The following EPHA5 variants were observed in gnomAD, a reference collection of about 807,000 sequenced individuals.
EPHA5 encodes EPH receptor A5.
A neutral mutation model predicts 105.0 loss-of-function variants in EPHA5; 60 were observed. The ratio of observed to expected loss-of-function variants is 0.57; its 90% confidence interval spans 0.46 to 0.71. The LOEUF (loss-of-function observed/expected upper bound fraction) is 0.71, where lower values mean the gene tolerates loss of function less well. Among genes scored for constraint, EPHA5 ranks in the 30% least tolerant of loss-of-function variants. EPHA5 has a pLI of 0.00. For synonymous variants in EPHA5, 513 were observed against 449.1 expected (o/e 1.14, Z -1.80); for missense variants, 1,218 against 1,274.7 (o/e 0.96, Z 0.68).
intron 2 of EPHA5, among the ~76,000 whole-genome samples, chr4:65,639,854 C>T (rs1048640858): frequency 1.3e-5 from 2 of 152,152 alleles, no homozygotes; most frequent in Non-Finnish European, 2.9e-5. Flanking sequence ...CTCAAATCTG[C>T]TGTTAAGGCT....
intron 16 of EPHA5, among the ~76,000 whole-genome samples, chr4:65,327,592 T>C (rs1720206957): frequency 6.6e-6 from 1 of 151,334 alleles, no homozygotes. Context: ...GAAGATAGGA[T>C]AACTATAATA....
At chr4:65,659,909 G>T (rs529403779) in intron 1 of EPHA5, among the ~76,000 whole-genome samples, 5 of 152,050 alleles carry the variant, frequency 3.3e-5, no homozygotes, top group African/African-American at 1.2e-4. Context: ...GAACAGATGA[G>T]ACATCTACAT....
intron 13 of EPHA5, among the ~76,000 whole-genome samples, chr4:65,348,508 G>T: frequency 6.6e-6 from 1 of 151,084 alleles, no homozygotes. Context: ...AAACCAATAA[G>T]GTATACTCTC....
Position 65,601,863 on chromosome 4 carries a change from A to G in EPHA5, c.688T>C (p.Tyr230His), listed in dbSNP as rs2149438577. 2.5e-6 allele frequency: 4 copies of G among 1,614,172 alleles called. No homozygotes were observed. Among genetic ancestry groups the G allele is most frequent in the East Asian group, 2.2e-5 (1 of 44,870 alleles). Residue 230 changes from tyrosine to histidine, a missense_variant, in exon 3 of 17, where the codon TAT becomes CAT. Physicochemically the swap from Tyr to His is moderately conservative, Grantham distance 83 (BLOSUM62 2). Around this residue, in one of 3 missense-constraint regions of EPHA5, gnomAD observed 971 missense variants for 1,013.5 expected, o/e 0.96. Coordinates refer to ENST00000613740, the MANE Select transcript of EPHA5 (RefSeq NM_001281766.3). ...CIALVSVRVYYKKCPSVVRHL... is the reference protein window; with the variant it reads ...CIALVSVRVYHKKCPSVVRHL... Reference sequence around the variant, plus strand: ...CGTACCACAGAAGGGCATTTTTTATAGTATACACGCACAGAAACCAGAGCA... The same window carrying G: ...CGTACCACAGAAGGGCATTTTTTATGGTATACACGCACAGAAACCAGAGCA...
intron 3 of EPHA5, among the ~76,000 whole-genome samples, chr4:65,536,711 T>C (rs1200073842): frequency 1.3e-5 from 2 of 151,444 alleles, no homozygotes; most frequent in East Asian, 1.9e-4. Context: ...ATGAGACAAT[T>C]GTACTCTTTG....
intron 8 of EPHA5, among the ~76,000 whole-genome samples, chr4:65,398,936 G>C (rs117941635): frequency 9.2e-5 from 14 of 152,164 alleles, no homozygotes; most frequent in Non-Finnish European, 1.5e-4. Flanking sequence ...TTCTTCCTGA[G>C]CATGAGATAA....
At chr4:65,503,577 A>G (rs1047331180) in intron 3 of EPHA5, among the ~76,000 whole-genome samples, 1 of 151,798 alleles carries the variant, frequency 6.6e-6, no homozygotes, top group Non-Finnish European at 1.5e-5. Flanking sequence ...TGTATTTTTA[A>G]TTTATGCTCA....
intron 3 of EPHA5, among the ~76,000 whole-genome samples, chr4:65,590,305 G>A (rs1003309988): frequency 6.6e-6 from 1 of 152,048 alleles, no homozygotes. Flanking sequence ...AACACTGCTG[G>A]TCAGCCGTAA....
chr4:65,467,402 A>G (rs899890232), intron 5 of EPHA5, among the ~76,000 whole-genome samples: 3 of 152,178 alleles, frequency 2.0e-5, no homozygotes, highest in African/African-American at 7.2e-5. Flanking sequence ...TAAGGGTGGA[A>G]TACTTGGATT....
intron 2 of EPHA5, among the ~76,000 whole-genome samples, chr4:65,603,526 G>A (rs765967502): frequency 6.6e-6 from 1 of 151,994 alleles, no homozygotes; most frequent in Non-Finnish European, 1.5e-5. Context: ...ATTAAATATA[G>A]CATTATTTCT....
At chr4:65,579,152 CT>C (rs915028002) in intron 3 of EPHA5, among the ~76,000 whole-genome samples, 2 of 151,248 alleles carry the variant, frequency 1.3e-5, no homozygotes, top group Non-Finnish European at 3.0e-5. Flanking sequence ...TTCAAAAAGG[CT>C]TATGGAAATT....
At chr4:65,494,839 T>G (rs1367258178) in intron 4 of EPHA5, among the ~76,000 whole-genome samples, 1 of 152,166 alleles carries the variant, frequency 6.6e-6, no homozygotes, top group African/African-American at 2.4e-5. Flanking sequence ...TCCTGAAATA[T>G]TTCCTGTGTT....
chr4:65,487,771 G>A (rs1731017729), intron 5 of EPHA5, among the ~76,000 whole-genome samples: 1 of 152,138 alleles, frequency 6.6e-6, no homozygotes, highest in African/African-American at 2.4e-5. Context: ...ACTTTTGACA[G>A]AGCTGATTTG....
chr4:65,463,955 T>A (rs1728362903), intron 5 of EPHA5, among the ~76,000 whole-genome samples: 1 of 151,980 alleles, frequency 6.6e-6, no homozygotes, highest in African/African-American at 2.4e-5. Context: ...TCTAAAAATT[T>A]TATTTTCAAT....
At chr4:65,468,090 C>A (rs553006099) in intron 5 of EPHA5, among the ~76,000 whole-genome samples, 8 of 152,140 alleles carry the variant, frequency 5.3e-5, no homozygotes, top group African/African-American at 1.9e-4. Flanking sequence ...ATAATAAATC[C>A]ATGTTGTTTA....
intron 4 of EPHA5, among the ~76,000 whole-genome samples, chr4:65,493,945 T>C (rs10032091): frequency 0.2 from 30,271 of 152,200 alleles, 3,510 homozygotes; most frequent in Middle Eastern, 0.32. Flanking sequence ...CACTCTGTTG[T>C]CTAGCCAACA....
At chr4:65,522,102 T>C (rs1345842181) in intron 3 of EPHA5, among the ~76,000 whole-genome samples, 2 of 151,930 alleles carry the variant, frequency 1.3e-5, no homozygotes, top group Non-Finnish European at 2.9e-5. Flanking sequence ...ATCTCACTGA[T>C]TAAAATATGC....
rs539105044 is a variant in EPHA5 at position 65,490,572 on chromosome 4, C to T, written c.1207G>A (p.Gly403Ser). Reference protein sequence around the residue: ...IACKKCNSHAGVCEECGGHVR... With the variant: ...IACKKCNSHASVCEECGGHVR... ...TGACCGCCACACTCCTCACACACACCTGCATGGGAGTTGCACTTCTTGCAT... is the reference window on the plus strand; with the variant it reads ...TGACCGCCACACTCCTCACACACACTTGCATGGGAGTTGCACTTCTTGCAT... Residue 403 changes from glycine to serine, a missense_variant, in exon 5 of 17, where the codon GGT (glycine) becomes AGT (serine). This residue lies in a region of EPHA5 where 971 missense variants were observed against 1,013.5 expected (regional missense o/e 0.96). Coordinates refer to ENST00000613740, the MANE Select transcript of EPHA5 (RefSeq NM_001281766.3). The T allele has an allele frequency of 1.4e-4, 232 of 1,614,116 alleles. 3 individuals are homozygous for T. The South Asian group carries it at 2.0e-3, about 14-fold the overall frequency.
intron 10 of EPHA5, 37 bp from the exon 11 acceptor site, chr4:65,365,239 T>A (rs2148889546): frequency 6.3e-7 from 1 of 1,587,342 alleles, no homozygotes; most frequent in Non-Finnish European, 8.6e-7. Flanking sequence ...AAAACTCATT[T>A]GAAATTGTTA....
Sources: gnomAD v4.1 joint callset for allele counts (sites outside exome capture counted in the v4.1 genomes callset) on GRCh38, gnomAD v4.1.1 for gene constraint, gnomAD v4.1.1 regional missense constraint, MANE v1.5 for transcripts, NCBI Gene and HGNC (gene_info 2026-07-23, HGNC 2026-07-21) for gene names.